CDIN1: variants seen among roughly 807,000 people sequenced by gnomAD.
The protein encoded by CDIN1 is CDAN1-interacting nuclease 1.
Under a neutral mutation model 45.3 loss-of-function variants are expected in CDIN1, and 33 were observed. The observed-to-expected ratio is 0.73, with a 90% CI of 0.55 to 0.97. The LOEUF is 0.97. CDIN1 is among the 50% of genes least tolerant of loss of function. The probability of loss-of-function intolerance (pLI) is 0.00; values close to 1 mark genes in which losing one functional copy is unlikely to be tolerated. For missense variants in CDIN1, 303 were observed against 339.4 expected (o/e 0.89, Z 0.84); for synonymous variants, 118 against 124.4 (o/e 0.95, Z 0.34).
At chr15:36,692,286 C>T in intron 7 of CDIN1, 111 bp downstream of exon 7, 3 of 989,792 alleles carry the variant, frequency 3.0e-6, no homozygotes, top group Non-Finnish European at 4.5e-6. Context: ...ACATTTCATA[C>T]TCTTCTATTT....
At chr15:36,727,551 A>T (rs986214816) in intron 10 of CDIN1, among the ~76,000 whole-genome samples, 4 of 152,178 alleles carry the variant, frequency 2.6e-5, no homozygotes, top group African/African-American at 7.2e-5. Context: ...CTCAGTCATC[A>T]ATCTTTTTAG....
intron 8 of CDIN1, among the ~76,000 whole-genome samples, chr15:36,701,421 T>C (rs1028990711): frequency 3.9e-5 from 6 of 152,182 alleles, no homozygotes; most frequent in African/African-American, 9.7e-5. Context: ...GTGTGTTTTT[T>C]TTAGCAGCTT....
At chr15:36,615,658 C>T (rs1055909514) in intron 1 of CDIN1, among the ~76,000 whole-genome samples, 1 of 152,262 alleles carries the variant, frequency 6.6e-6, no homozygotes, top group African/African-American at 2.4e-5. Context: ...AACTCCTAGC[C>T]CAAAGCAATT....
At chr15:36,657,162 C>T (rs1304816500) in intron 4 of CDIN1, among the ~76,000 whole-genome samples, 1 of 152,016 alleles carries the variant, frequency 6.6e-6, no homozygotes, top group Non-Finnish European at 1.5e-5. Context: ...AGTTACCACC[C>T]TGGGATCTGT....
In CDIN1 at chr15:36,809,111, G is replaced by A. The variant is rs1595633540; in HGVS notation, c.*658G>A. 2 of 339,892 alleles carry A rather than the reference G, an allele frequency of 5.9e-6. No individual in the cohort carries two copies. The highest frequency in any genetic ancestry group is 2.2e-5 in the African/African-American group (1 of 46,120). The allele number at this position is 339,892 out of a possible 1,614,324, so 21.1% of individuals were successfully genotyped here. On this transcript the variant is annotated 3_prime_UTR_variant, in exon 11 of 11. Coordinates refer to ENST00000566621, the MANE Select transcript of CDIN1 (RefSeq NM_001321759.2). Reference sequence around the variant, plus strand: ...AGCCAAGTGCAAAAATACACTTGATGAGAATTTCCTCTTTTAATAATGTTA... The same window carrying A: ...AGCCAAGTGCAAAAATACACTTGATAAGAATTTCCTCTTTTAATAATGTTA...
intron 8 of CDIN1, 69 bp downstream of exon 8, chr15:36,697,459 T>C: frequency 6.3e-6 from 8 of 1,265,454 alleles, no homozygotes; most frequent in Non-Finnish European, 8.9e-6. Context: ...ATTTTAAAAA[T>C]CTTCCACTAA....
At chr15:36,698,695 T>G (rs1386347097) in intron 8 of CDIN1, among the ~76,000 whole-genome samples, 3 of 152,156 alleles carry the variant, frequency 2.0e-5, no homozygotes, top group Admixed American at 6.5e-5. Flanking sequence ...CTATTTTTTG[T>G]TTTGTTTTAA....
intron 5 of CDIN1, among the ~76,000 whole-genome samples, chr15:36,685,724 A>G (rs1031025474): frequency 2.0e-4 from 30 of 152,318 alleles, no homozygotes; most frequent in African/African-American, 6.5e-4. Context: ...AAAAAAACAA[A>G]CAACCCCATC....
chr15:36,755,931 G>C, intron 10 of CDIN1: 1 of 391,594 alleles, frequency 2.6e-6, no homozygotes, highest in Non-Finnish European at 5.0e-6. Context: ...AGAGGGTGTT[G>C]TGTTAAAACA....
intron 10 of CDIN1, among the ~76,000 whole-genome samples, chr15:36,760,287 C>G (rs1008050806): frequency 6.6e-6 from 1 of 152,152 alleles, no homozygotes; most frequent in East Asian, 1.9e-4. Flanking sequence ...TCATTCTCTT[C>G]TGTCTTGTAA....
intron 5 of CDIN1, among the ~76,000 whole-genome samples, chr15:36,684,403 C>A (rs1049877325): frequency 6.6e-6 from 1 of 151,920 alleles, no homozygotes; most frequent in Non-Finnish European, 1.5e-5. Flanking sequence ...ATTGAACCAG[C>A]CTTGCATCCC....
chr15:36,749,706 G>T (rs952015032), intron 10 of CDIN1, among the ~76,000 whole-genome samples: 3 of 152,268 alleles, frequency 2.0e-5, no homozygotes, highest in Non-Finnish European at 2.9e-5. Flanking sequence ...TTTTGTCAAG[G>T]CCAGCTTATT....
At chr15:36,585,339 C>T (rs2037245601) in intron 1 of CDIN1, among the ~76,000 whole-genome samples, 1 of 152,130 alleles carries the variant, frequency 6.6e-6, no homozygotes, top group South Asian at 2.1e-4. Context: ...CACTGATGTC[C>T]CTTTTCTAGG....
chr15:36,768,462 T>C (rs2053983086), intron 10 of CDIN1, among the ~76,000 whole-genome samples: 1 of 152,206 alleles, frequency 6.6e-6, no homozygotes, highest in Admixed American at 6.5e-5. Context: ...TGAACTAGAC[T>C]GTAGCTGCTG....
At chr15:36,591,141 G>A (rs2037552404) in intron 1 of CDIN1, among the ~76,000 whole-genome samples, 1 of 152,128 alleles carries the variant, frequency 6.6e-6, no homozygotes, top group Admixed American at 6.5e-5. Flanking sequence ...TAGGGCTCTT[G>A]TAAGTGGCTT....
chr15:36,618,740 C>G, intron 1 of CDIN1: 1 of 762,650 alleles, frequency 1.3e-6, no homozygotes, highest in Admixed American at 1.8e-5. Flanking sequence ...GCTGAGCCTA[C>G]TGCATTAAGC....
intron 1 of CDIN1, among the ~76,000 whole-genome samples, chr15:36,589,342 A>G (rs2037456702): frequency 6.6e-6 from 1 of 152,046 alleles, no homozygotes; most frequent in Non-Finnish European, 1.5e-5. Context: ...CTTTATTTTT[A>G]ATTGTCTTTT....
chr15:36,715,545 T>C (rs1815376802), intron 10 of CDIN1, among the ~76,000 whole-genome samples: 1 of 152,122 alleles, frequency 6.6e-6, no homozygotes. Flanking sequence ...TGATCACATC[T>C]GTCTTAAGTT....
At chr15:36,632,898 G>C (rs1417412181) in intron 1 of CDIN1, among the ~76,000 whole-genome samples, 1 of 152,206 alleles carries the variant, frequency 6.6e-6, no homozygotes, top group African/African-American at 2.4e-5. Flanking sequence ...GTGAAATTAA[G>C]TGTCACACAA....
Sources: gnomAD v4.1 joint callset for allele counts (sites outside exome capture counted in the v4.1 genomes callset) on GRCh38, gnomAD v4.1.1 for gene constraint, MANE v1.5 for transcripts, NCBI Gene and HGNC (gene_info 2026-07-23, HGNC 2026-07-21) for gene names.